Variants in PDS5A observed in about 807,000 individuals in gnomAD.
PDS5A encodes PDS5 cohesin associated factor A, also known as sister chromatid cohesion protein PDS5 homolog A.
A neutral mutation model predicts 167.1 loss-of-function variants in PDS5A; 42 were observed. That is an observed-to-expected ratio of 0.25 (90% CI 0.20 to 0.33). The LOEUF (loss-of-function observed/expected upper bound fraction) is 0.33, where lower values mean the gene tolerates loss of function less well. Ranked by LOEUF, PDS5A falls within the 10% of genes least tolerant of loss-of-function variation. The probability of loss-of-function intolerance (pLI) is 1.00; values close to 1 mark genes in which losing one functional copy is unlikely to be tolerated. For synonymous variants in PDS5A, 553 were observed against 554.6 expected (o/e 1.00, Z 0.04); for missense variants, 1,033 against 1,605.9 (o/e 0.64, Z 6.10).
chr4:39,953,461 T>C (rs1405590460), intron 2 of PDS5A, among the ~76,000 whole-genome samples: 2 of 150,038 alleles, frequency 1.3e-5, no homozygotes, highest in Non-Finnish European at 3.0e-5. Flanking sequence ...CTGGGAGTGG[T>C]GGCTCACAAC....
chr4:39,939,479 G>GA (rs141707821), intron 2 of PDS5A, among the ~76,000 whole-genome samples: 70,438 of 144,498 alleles, frequency 0.49, 16,842 homozygotes, highest in Middle Eastern at 0.62. Context: ...AACCTAAAAT[G>GA]AAAAAAAAAA....
intron 8 of PDS5A, among the ~76,000 whole-genome samples, chr4:39,916,270 T>C (rs917898920): frequency 6.6e-6 from 1 of 152,076 alleles, no homozygotes; most frequent in Non-Finnish European, 1.5e-5. Flanking sequence ...GTATTAAACT[T>C]TTACAAATAG....
At chr4:39,938,155 G>A (rs1187999023) in intron 2 of PDS5A, among the ~76,000 whole-genome samples, 1 of 152,166 alleles carries the variant, frequency 6.6e-6, no homozygotes, top group Non-Finnish European at 1.5e-5. Flanking sequence ...GTCCATAAAT[G>A]TTATCTGACC....
In PDS5A at chr4:39,894,695, T is replaced by A. The variant is rs569387255; in HGVS notation, c.1770+3694A>T. ...TATAAGTTATTTTAAAACCATCAAC[T>A]CTAATCCCTTCTAGAACAAAGTTAG... On this transcript the variant is annotated intron_variant, in intron 16 of 32. Coordinates refer to ENST00000303538, the MANE Select transcript of PDS5A (RefSeq NM_001100399.2). Among the ~76,000 whole-genome samples, 6 of 152,328 alleles carry A rather than the reference T, an allele frequency of 3.9e-5. No homozygotes were observed. In the East Asian group the frequency reaches 9.6e-4, roughly 24 times the overall value.
chr4:39,923,568 C>T (rs1328415183), intron 5 of PDS5A, among the ~76,000 whole-genome samples: 13 of 149,282 alleles, frequency 8.7e-5, no homozygotes, highest in Non-Finnish European at 1.5e-5. Context: ...CCCAGGAGGT[C>T]GAGGCATCAG....
chr4:39,893,348 C>G (rs1034428579), intron 16 of PDS5A, among the ~76,000 whole-genome samples: 1 of 152,154 alleles, frequency 6.6e-6, no homozygotes, highest in African/African-American at 2.4e-5. Context: ...AAATACACGT[C>G]TCTTTTGATA....
chr4:39,943,139 CA>C (rs1727381391), intron 2 of PDS5A, among the ~76,000 whole-genome samples: 1 of 117,508 alleles, frequency 8.5e-6, no homozygotes, highest in South Asian at 3.2e-4. Flanking sequence ...CACACACACA[CA>C]CACACACACA....
intron 2 of PDS5A, among the ~76,000 whole-genome samples, chr4:39,947,227 G>A (rs1258131010): frequency 2.0e-5 from 3 of 152,120 alleles, no homozygotes; most frequent in Non-Finnish European, 4.4e-5. Flanking sequence ...GGTGATGCTG[G>A]CGGACCACTT....
intron 26 of PDS5A, among the ~76,000 whole-genome samples, chr4:39,850,379 A>G (rs1028652971): frequency 2.0e-5 from 3 of 151,984 alleles, no homozygotes; most frequent in African/African-American, 7.2e-5. Context: ...AGTCCCAGCT[A>G]CTTGTGGGGC....
intron 26 of PDS5A, among the ~76,000 whole-genome samples, chr4:39,851,921 G>C (rs543359917): frequency 6.6e-6 from 1 of 152,220 alleles, no homozygotes; most frequent in South Asian, 2.1e-4. Context: ...TCAGTTTTAG[G>C]GGATAAGGTG....
chr4:39,877,612 A>C (rs1006031069), intron 18 of PDS5A, among the ~76,000 whole-genome samples: 1 of 152,152 alleles, frequency 6.6e-6, no homozygotes, highest in Admixed American at 6.5e-5. Context: ...GACTGGCAAA[A>C]AGATAATCTA....
chr4:39,976,330 G>C, intron 2 of PDS5A, 110 bp downstream of exon 2: 1 of 780,170 alleles, frequency 1.3e-6, no homozygotes, highest in Non-Finnish European at 2.1e-6. Context: ...TTCAGAGGGG[G>C]TAAGAGATCT....
chr4:39,827,839 T>C (rs1715458694), intron 32 of PDS5A, among the ~76,000 whole-genome samples: 1 of 152,210 alleles, frequency 6.6e-6, no homozygotes, highest in Non-Finnish European at 1.5e-5. Flanking sequence ...TATTTTTCCA[T>C]TGATGTTTAT....
In PDS5A at chr4:39,878,948, T is replaced by C. The variant is rs1720709920; in HGVS notation, c.1992+780A>G. Among the ~76,000 whole-genome samples the C allele has an allele frequency of 2.0e-5, 3 of 152,154 alleles. No individual in the cohort carries two copies. In the South Asian group the frequency reaches 6.2e-4, roughly 31 times the overall value. ...TAGTAGAGACGGGGTTTCCCCATGT[T>C]GGCCAGGATGGTCTCGATCTCTTGA... is the stretch of plus-strand genomic sequence containing the variant. On this transcript the variant is annotated intron_variant, in intron 18 of 32. Transcript: ENST00000303538.
intron 32 of PDS5A, among the ~76,000 whole-genome samples, chr4:39,833,233 G>C (rs953323036): frequency 2.0e-4 from 29 of 141,674 alleles, no homozygotes; most frequent in African/African-American, 5.9e-4. Flanking sequence ...AGTTTGAAGA[G>C]AGTCCCTATC....
intron 5 of PDS5A, among the ~76,000 whole-genome samples, chr4:39,925,365 A>C (rs1394360812): frequency 6.6e-6 from 1 of 152,196 alleles, no homozygotes; most frequent in South Asian, 2.1e-4. Context: ...CTAGGTCTAG[A>C]ATAAGAAGTT....
intron 32 of PDS5A, among the ~76,000 whole-genome samples, chr4:39,836,178 T>C (rs1008022674): frequency 1.3e-5 from 2 of 152,146 alleles, no homozygotes; most frequent in African/African-American, 4.8e-5. Context: ...TTCATACTAA[T>C]GAAAAAGGGA....
chr4:39,859,283 AC>A (rs1718787462), intron 26 of PDS5A, among the ~76,000 whole-genome samples: 1 of 152,172 alleles, frequency 6.6e-6, no homozygotes, highest in African/African-American at 2.4e-5. Context: ...ACTTAAAAAA[AC>A]AAACAAACAA....
intron 2 of PDS5A, among the ~76,000 whole-genome samples, chr4:39,951,898 CAAAAA>C (rs1161911794): frequency 4.5e-4 from 31 of 68,802 alleles, no homozygotes; most frequent in Admixed American, 2.2e-3. Flanking sequence ...GAGTCTGTCT[CAAAAA>C]AAAAAAAAAA....
Sources: allele counts gnomAD v4.1 joint callset (sites outside exome capture counted in the v4.1 genomes callset), GRCh38; gene constraint gnomAD v4.1.1; transcripts MANE v1.5; gene names NCBI Gene and HGNC (gene_info 2026-07-23, HGNC 2026-07-21).